CCDC171: variants seen among roughly 807,000 people sequenced by gnomAD.
CCDC171 encodes coiled-coil domain-containing protein 171.
Under a neutral mutation model 168.2 loss-of-function variants are expected in CCDC171, and 177 were observed. The observed-to-expected ratio is 1.05, with a 90% CI of 0.93 to 1.19. CCDC171 has a LOEUF of 1.19. Among genes scored for constraint, CCDC171 ranks in the 50% most tolerant of loss-of-function variants. The probability of loss-of-function intolerance (pLI) is 0.00; values close to 1 mark genes in which losing one functional copy is unlikely to be tolerated. For synonymous variants in CCDC171, 687 were observed against 540.8 expected, an observed-to-expected ratio of 1.27 and a Z score of -3.75; for missense variants, 1,991 against 1,539.0, an observed-to-expected ratio of 1.29 and a Z score of -4.91.
At chr9:15,951,892 T>C (rs1829227667) in intron 25 of CCDC171, among the ~76,000 whole-genome samples, 1 of 152,318 alleles carries the variant, frequency 6.6e-6, no homozygotes, top group South Asian at 2.1e-4. Flanking sequence ...TCTGTTTTTT[T>C]CTTTTGTTGC....
At chr9:15,849,756 T>C (rs889262124) in intron 23 of CCDC171, among the ~76,000 whole-genome samples, 1 of 151,834 alleles carries the variant, frequency 6.6e-6, no homozygotes, top group Non-Finnish European at 1.5e-5. Context: ...AATAACCTTG[T>C]GAATCAATTT....
intron 1 of CCDC171, among the ~76,000 whole-genome samples, chr9:16,044,743 A>G (rs895307034): frequency 2.6e-5 from 4 of 152,114 alleles, no homozygotes; most frequent in Admixed American, 2.6e-4. Flanking sequence ...ACTCCCTGCA[A>G]TGCTCCAGAA....
chr9:15,865,133 A>G (rs941697559), intron 23 of CCDC171, among the ~76,000 whole-genome samples: 4 of 152,058 alleles, frequency 2.6e-5, no homozygotes, highest in Admixed American at 6.6e-5. Flanking sequence ...TCGGACTGAA[A>G]TGACACTGGA....
intron 21 of CCDC171, among the ~76,000 whole-genome samples, chr9:15,828,187 C>T (rs538853474): frequency 6.6e-6 from 1 of 151,732 alleles, no homozygotes; most frequent in Admixed American, 6.6e-5. Flanking sequence ...ATCATAAATT[C>T]TAGTGAGGAA....
chr9:15,895,753 C>T (rs1189140886), intron 24 of CCDC171, among the ~76,000 whole-genome samples: 2 of 152,096 alleles, frequency 1.3e-5, no homozygotes, highest in African/African-American at 4.8e-5. Flanking sequence ...AACCAAGCAA[C>T]TTCCAGTTTA....
intron 24 of CCDC171, among the ~76,000 whole-genome samples, chr9:15,908,343 A>T (rs530935525): frequency 2.0e-5 from 3 of 152,338 alleles, no homozygotes; most frequent in East Asian, 3.9e-4. Flanking sequence ...TGATGAGTTC[A>T]TGTCCTTTGT....
In CCDC171 at chr9:15,723,739, A is replaced by T. The variant is rs10962127; in HGVS notation, c.1484A>T (p.Asn495Ile). The T allele has an allele frequency of 5.4e-4, 777 of 1,447,726 alleles. 10 individuals carry two copies. In the East Asian group the frequency reaches 0.017, roughly 31 times the overall value. The allele number at this position is 1,447,726 out of a possible 1,614,324, so 89.7% of individuals were successfully genotyped here. ...CAGAAGATAGACTCTCACACTAAAAATATAAAGGTATTATTTAGAATAACT... is the reference window on the plus strand; with the variant it reads ...CAGAAGATAGACTCTCACACTAAAATTATAAAGGTATTATTTAGAATAACT... ...TKQKIDSHTKNIKELQDKLAD... is the reference protein window; with the variant it reads ...TKQKIDSHTKIIKELQDKLAD... Residue 495 changes from asparagine (N) to isoleucine (I), a missense_variant, in exon 13 of 26, where the codon AAT becomes ATT. Transcript: ENST00000380701.
At chr9:15,708,295 A>G (rs1342246455) in intron 11 of CCDC171, among the ~76,000 whole-genome samples, 1 of 152,242 alleles carries the variant, frequency 6.6e-6, no homozygotes, top group East Asian at 1.9e-4. Context: ...TTGAAAACAC[A>G]TAGTAATGCT....
intron 16 of CCDC171, among the ~76,000 whole-genome samples, chr9:15,734,001 C>A (rs1473330888): frequency 6.6e-6 from 1 of 152,106 alleles, no homozygotes; most frequent in Non-Finnish European, 1.5e-5. Flanking sequence ...TCTCCAACTC[C>A]TGGCCTCAAG....
intron 25 of CCDC171, among the ~76,000 whole-genome samples, chr9:15,942,154 T>A (rs1403720389): frequency 6.6e-6 from 1 of 151,990 alleles, no homozygotes; most frequent in Admixed American, 6.6e-5. Context: ...AGTTGACTAA[T>A]CCTATTCTAG....
intron 11 of CCDC171, among the ~76,000 whole-genome samples, chr9:15,707,716 A>G (rs1452335353): frequency 6.6e-6 from 1 of 152,216 alleles, no homozygotes; most frequent in Non-Finnish European, 1.5e-5. Context: ...GGAGACGTGA[A>G]TTTTAAATGA....
intron 8 of CCDC171, among the ~76,000 whole-genome samples, chr9:15,663,608 C>CTTTTTTTTT (rs56022914): frequency 8.1e-6 from 1 of 123,226 alleles, no homozygotes; most frequent in African/African-American, 2.9e-5. Context: ...CTTTTTTTTT[C>CTTTTTTTTT]TTTTTTTTTT....
At chr9:15,685,197 A>AT (rs1381346312) in intron 10 of CCDC171, among the ~76,000 whole-genome samples, 1 of 152,168 alleles carries the variant, frequency 6.6e-6, no homozygotes, top group Non-Finnish European at 1.5e-5. Flanking sequence ...TAGAAACAAT[A>AT]TTTTATCTTC....
intron 7 of CCDC171, among the ~76,000 whole-genome samples, chr9:15,650,715 T>C (rs1446939276): frequency 1.3e-5 from 2 of 152,192 alleles, no homozygotes; most frequent in Non-Finnish European, 2.9e-5. Flanking sequence ...GTTTTTTGTC[T>C]TTTAGTTTTA....
chr9:16,012,210 T>G (rs528192906), intron 3 of CCDC171, among the ~76,000 whole-genome samples: 44 of 152,182 alleles, frequency 2.9e-4, no homozygotes, highest in Non-Finnish European at 4.3e-4. Context: ...CTGTCCACTT[T>G]GCTCCCATGG....
chr9:15,618,355 G>T (rs952452711), intron 6 of CCDC171, among the ~76,000 whole-genome samples: 3 of 152,120 alleles, frequency 2.0e-5, no homozygotes, highest in African/African-American at 7.2e-5. Context: ...CAGTAATGGC[G>T]GTCGCTGCTT....
intron 3 of CCDC171, among the ~76,000 whole-genome samples, chr9:15,983,817 AGTGTGTGTGTGTGT>A (rs58951910): frequency 9.1e-5 from 13 of 142,640 alleles, no homozygotes; most frequent in African/African-American, 2.3e-4. Context: ...AAATAAAGAG[AGTGTGTGTGTGTGT>A]GTGTGTGTGT....
chr9:15,690,494 A>T (rs565897826), intron 10 of CCDC171, among the ~76,000 whole-genome samples: 1 of 152,278 alleles, frequency 6.6e-6, no homozygotes, highest in Non-Finnish European at 1.5e-5. Context: ...ATGATAAGTA[A>T]TATGACTAAA....
At chr9:16,019,225 C>G (rs538258450) in intron 3 of CCDC171, among the ~76,000 whole-genome samples, 43 of 152,250 alleles carry the variant, frequency 2.8e-4, no homozygotes, top group African/African-American at 1.0e-3. Flanking sequence ...GTCTAAGAAC[C>G]AAAGGCAGGT....
Sources: gnomAD v4.1 joint callset for allele counts (sites outside exome capture counted in the v4.1 genomes callset) on GRCh38, gnomAD v4.1.1 for gene constraint, MANE v1.5 for transcripts, NCBI Gene and HGNC (gene_info 2026-07-23, HGNC 2026-07-21) for gene names.